The following LHFPL2 variants were observed in gnomAD, a reference collection of about 807,000 sequenced individuals.
LHFPL2 encodes the protein LHFPL tetraspan subfamily member 2, also known as LHFPL tetraspan subfamily member 2 protein.
In LHFPL2, 7 loss-of-function variants were observed where a neutral mutation model predicts 17.5. The ratio of observed to expected loss-of-function variants is 0.40; its 90% CI spans 0.23 to 0.75. The LOEUF (loss-of-function observed/expected upper bound fraction) is 0.75, where lower values mean the gene tolerates loss of function less well. Ranked by LOEUF, LHFPL2 falls within the 30% of genes least tolerant of loss-of-function variation. The pLI is 0.37. For synonymous variants in LHFPL2, 134 were observed against 116.2 expected, an observed-to-expected ratio of 1.15 and a Z score of -0.99; for missense variants, 241 against 294.8, an observed-to-expected ratio of 0.82 and a Z score of 1.34.
At chr5:78,520,059 C>T (rs943196975) in intron 3 of LHFPL2, among the ~76,000 whole-genome samples, 4 of 152,006 alleles carry the variant, frequency 2.6e-5, no homozygotes, top group East Asian at 3.9e-4. Flanking sequence ...TAAGGAAAGT[C>T]GCTGCCACGC....
Position 78,510,265 on chromosome 5 carries a change from C to T in LHFPL2, c.-52G>A. 2 of 1,499,018 alleles carry T rather than the reference C, an allele frequency of 1.3e-6. No individual in the cohort carries two copies. The highest frequency in any genetic ancestry group is 1.8e-6 in the Non-Finnish European group (2 of 1,119,632). The allele number at this position is 1,499,018 out of a possible 1,614,324, so 92.9% of individuals were successfully genotyped here. On this transcript the variant is annotated 5_prime_UTR_variant, in exon 4 of 5. Transcript: ENST00000380345. Reference sequence around the variant, plus strand: ...CAGGAGTCCACGGAGTTAATCAAAACAAGAAAGTCGGTGGGGAAGGAGGCT... The same window carrying T: ...CAGGAGTCCACGGAGTTAATCAAAATAAGAAAGTCGGTGGGGAAGGAGGCT...
At chr5:78,517,795 C>A (rs1013147197) in intron 3 of LHFPL2, among the ~76,000 whole-genome samples, 2 of 152,200 alleles carry the variant, frequency 1.3e-5, no homozygotes, top group African/African-American at 2.4e-5. Flanking sequence ...CACAGCCAAA[C>A]CATACCAGCA....
At chr5:78,558,114 G>A (rs1031110707) in intron 3 of LHFPL2, among the ~76,000 whole-genome samples, 1 of 152,194 alleles carries the variant, frequency 6.6e-6, no homozygotes, top group Non-Finnish European at 1.5e-5. Context: ...TCAGGGATAC[G>A]CTATTGCCTT....
At position 78,605,862 on chromosome 5, in the gene LHFPL2, T is replaced by C. The variant is rs1006920495; in HGVS notation, c.-245+26402A>G. 2.6e-5 allele frequency among the ~76,000 whole-genome samples: 4 copies of C among 152,238 alleles called. No individual in the cohort carries two copies. In the East Asian group the frequency reaches 5.8e-4, roughly 22 times the overall value. Reference sequence around the variant, plus strand: ...TATTAATCATCTTACATTTACAATCTGGTGTGAGGTTCTTCCAAAGCTTTC... The same window carrying C: ...TATTAATCATCTTACATTTACAATCCGGTGTGAGGTTCTTCCAAAGCTTTC... On this transcript the variant is annotated intron_variant, in intron 2 of 4. Coordinates refer to ENST00000380345, the MANE Select transcript of LHFPL2 (RefSeq NM_005779.3).
intron 3 of LHFPL2, among the ~76,000 whole-genome samples, chr5:78,526,067 C>T (rs950690046): frequency 2.0e-5 from 3 of 152,122 alleles, no homozygotes; most frequent in African/African-American, 7.2e-5. Flanking sequence ...TAGCTGTTCC[C>T]CGGCCCCTCA....
chr5:78,606,943 C>T (rs551646816), intron 2 of LHFPL2, among the ~76,000 whole-genome samples: 1 of 151,808 alleles, frequency 6.6e-6, no homozygotes, highest in African/African-American at 2.4e-5. Flanking sequence ...TCCCAAAGTA[C>T]TAGGATTACA....
intron 3 of LHFPL2, among the ~76,000 whole-genome samples, chr5:78,522,005 AG>A (rs1755473285): frequency 6.6e-6 from 1 of 152,220 alleles, no homozygotes. Context: ...TGGATTTCTG[AG>A]GTAATAGGTA....
rs557519108 is a variant in LHFPL2, at chr5:78,491,761, C to T, written c.431-2608G>A. Among the ~76,000 whole-genome samples the T allele has an allele frequency of 2.6e-5, 4 of 152,228 alleles. No homozygotes were observed. The South Asian group carries it at 6.2e-4, about 24-fold the overall frequency. On this transcript the variant is annotated intron_variant, in intron 4 of 4. Coordinates refer to ENST00000380345, the MANE Select transcript of LHFPL2 (RefSeq NM_005779.3). ...TGAATTGTGAAGTCTGTTCTACCAT[C>T]GTAACAAAAACTGGAAACAGATGAT...
intron 1 of LHFPL2, among the ~76,000 whole-genome samples, chr5:78,638,474 A>ACAGACC (rs1745541732): frequency 6.6e-6 from 1 of 152,248 alleles, no homozygotes; most frequent in African/African-American, 2.4e-5. Context: ...GGGCAGGACT[A>ACAGACC]TAGACCTCGT....
chr5:78,638,407 G>A (rs1045733236), intron 1 of LHFPL2, among the ~76,000 whole-genome samples: 2 of 152,096 alleles, frequency 1.3e-5, no homozygotes, highest in Admixed American at 6.5e-5. Context: ...AAAGGAGGCA[G>A]TAAGTTCTGA....
At position 78,516,293 on chromosome 5, in the gene LHFPL2, T is replaced by G. The variant is rs531836347; in HGVS notation, c.-185-5895A>C. On this transcript the variant is annotated intron_variant, in intron 3 of 4. Coordinates refer to ENST00000380345, the MANE Select transcript of LHFPL2 (RefSeq NM_005779.3). ...AGACCTCCTGCTTTTGCCAATTTCC[T>G]TGGCTCAACTTCTGATCGACTCCTC... Among the ~76,000 whole-genome samples the G allele has an allele frequency of 2.5e-3, 376 of 152,346 alleles. 1 individual carries two copies. The highest frequency in any genetic ancestry group is 8.6e-3 in the African/African-American group (359 of 41,580).
At chr5:78,614,215 G>A (rs145489745) in intron 2 of LHFPL2, among the ~76,000 whole-genome samples, 60 of 152,316 alleles carry the variant, frequency 3.9e-4, no homozygotes, top group African/African-American at 1.2e-3. Flanking sequence ...CACCCTCAGC[G>A]TCCAGGGGCA....
intron 2 of LHFPL2, among the ~76,000 whole-genome samples, chr5:78,623,968 C>A (rs753324411): frequency 6.6e-6 from 1 of 152,214 alleles, no homozygotes; most frequent in Non-Finnish European, 1.5e-5. Context: ...CAAATCACTT[C>A]CTAAAGGCCT....
intron 3 of LHFPL2, among the ~76,000 whole-genome samples, chr5:78,510,710 G>T (rs1340854826): frequency 6.6e-6 from 1 of 152,248 alleles, no homozygotes; most frequent in Non-Finnish European, 1.5e-5. Context: ...TTAGGACAGG[G>T]CTCCCGCTCC....
chr5:78,602,026 A>C (rs1744037920), intron 2 of LHFPL2, among the ~76,000 whole-genome samples: 3 of 152,182 alleles, frequency 2.0e-5, no homozygotes, highest in African/African-American at 7.2e-5. Flanking sequence ...ACACAACTTT[A>C]GACTTCCCCC....
At chr5:78,576,972 G>A (rs942643786) in intron 2 of LHFPL2, among the ~76,000 whole-genome samples, 4 of 152,218 alleles carry the variant, frequency 2.6e-5, no homozygotes, top group African/African-American at 7.2e-5. Context: ...CACAAGCTAA[G>A]TGCAGTTCTT....
chr5:78,562,735 G>A (rs958472032), intron 3 of LHFPL2, among the ~76,000 whole-genome samples: 1 of 151,832 alleles, frequency 6.6e-6, no homozygotes, highest in Admixed American at 6.6e-5. Flanking sequence ...ACTTGATAAA[G>A]TGTTACTGTA....
intron 2 of LHFPL2, among the ~76,000 whole-genome samples, chr5:78,572,490 A>G (rs932866568): frequency 6.9e-6 from 1 of 144,124 alleles, no homozygotes; most frequent in Admixed American, 6.8e-5. Flanking sequence ...ATGTGTATAT[A>G]TATGTGTGTA....
chr5:78,626,325 A>C (rs1745032013), intron 2 of LHFPL2: 1 of 152,276 alleles, frequency 6.6e-6, no homozygotes, highest in Admixed American at 6.5e-5. Context: ...AGCCAGGGAA[A>C]AAAGCTTTTA....
Sources: gnomAD v4.1 joint callset for allele counts (sites outside exome capture counted in the v4.1 genomes callset) on GRCh38, gnomAD v4.1.1 for gene constraint, MANE v1.5 for transcripts, NCBI Gene and HGNC (gene_info 2026-07-23, HGNC 2026-07-21) for gene names.